CACNA1F: variants seen among roughly 807,000 people sequenced by gnomAD.
CACNA1F encodes voltage-dependent L-type calcium channel subunit alpha-1F.
CACNA1F carries 59 observed loss-of-function variants against 143.8 expected under a neutral mutation model. The observed-to-expected ratio is 0.41, with a 90% CI of 0.33 to 0.51. The LOEUF (loss-of-function observed/expected upper bound fraction) is 0.51. Among genes scored for constraint, CACNA1F ranks in the 20% least tolerant of loss-of-function variants. The probability of loss-of-function intolerance (pLI) is 0.22; values close to 1 mark genes in which losing one functional copy is unlikely to be tolerated. For missense variants in CACNA1F, 1,411 were observed against 1,647.5 expected (o/e 0.86, Z 2.48); for synonymous variants, 643 against 649.1 (o/e 0.99, Z 0.14).
chrX:49,219,137 TC>T (rs1378582860), intron 21 of CACNA1F, among the ~76,000 whole-genome samples, 183 bp downstream of exon 21: 3 of 111,515 alleles, frequency 2.7e-5, no homozygotes, highest in Non-Finnish European at 5.7e-5. Flanking sequence ...ATTGATCTCC[TC>T]CCTGGTGCTT....
At chrX:49,208,840 T>G in intron 42 of CACNA1F, 156 bp from the exon 43 acceptor site, 1 of 507,795 alleles carries the variant, frequency 2.0e-6, no homozygotes, top group Non-Finnish European at 3.4e-6. Flanking sequence ...AATAAATAAA[T>G]ATTTGCGATA....
In CACNA1F at chrX:49,213,833, C is replaced by T. The variant is rs782409664; in HGVS notation, c.3778G>A (p.Val1260Ile). 8.4e-6 allele frequency: 10 copies of T among 1,190,507 alleles called. No individual in the cohort carries two copies. Among genetic ancestry groups the T allele is most frequent in the South Asian group, 7.1e-5 (4 of 56,367 alleles). The change falls in exon 31 of 48, where the codon GTC (valine) becomes ATC (isoleucine). Residue 1260 changes from valine to isoleucine, a missense_variant. Around this residue, in one of 3 missense-constraint regions of CACNA1F, gnomAD observed 950 missense variants for 1,128.1 expected, o/e 0.84. Transcript: ENST00000323022. ...CCAGTTCTCACATTGACTTCAGTGA[C>T]GGCAATATCCACTATGCTGCCCACC... is the stretch of plus-strand genomic sequence containing the variant. ...IVVGSIVDIA[V>I]TEVNNGGHLG...
At position 49,211,075 on chromosome X, in the gene CACNA1F, C is replaced by T. The variant is rs1557106124; in HGVS notation, c.4278G>A (p.Val1426=). 1.7e-6 allele frequency: 2 copies of T among 1,208,240 alleles called. No individual in the cohort carries two copies. Among genetic ancestry groups the T allele is most frequent in the East Asian group, 3.0e-5 (1 of 33,764 alleles). Residue 1426 remains valine (V), a synonymous_variant, in exon 37 of 48, where the codon GTG becomes GTA. Coordinates refer to ENST00000323022, the MANE Select transcript of CACNA1F (RefSeq NM_001256789.3). Reference sequence around the variant, plus strand: ...AATCAAAGTTGTCCATGATCACAGCCACAAAGAGATTTATGATCTGTGGGC... The same window carrying T: ...AATCAAAGTTGTCCATGATCACAGCTACAAAGAGATTTATGATCTGTGGGC... ...LCAFLIINLF[V]AVIMDNFDYL... is the part of the protein sequence containing the mutation.
At position 49,205,212 on chromosome X, in the gene CACNA1F, G is replaced by A. The variant is rs1557104505; in HGVS notation, c.5826C>T (p.Ser1942=). The change falls in exon 48 of 48, where the codon AGC becomes AGT. Residue 1942 remains serine (S), a synonymous_variant. Transcript: ENST00000323022. Reference sequence around the variant, plus strand: ...AGCGGGAGAGGATGGACTCCTCGTCGCTATAGAGAGAGCTGGTTCCCTGTG... The same window carrying A: ...AGCGGGAGAGGATGGACTCCTCGTCACTATAGAGAGAGCTGGTTCCCTGTG... ...LLAQGTSSLY[S]DEESILSRFD... 2.0e-5 allele frequency: 24 copies of A among 1,210,528 alleles called. No individual in the cohort carries two copies. The highest frequency in any genetic ancestry group is 2.7e-5 in the Non-Finnish European group (24 of 894,587).
intron 31 of CACNA1F, among the ~76,000 whole-genome samples, chrX:49,213,596 G>A (rs1468587604): frequency 8.9e-6 from 1 of 111,779 alleles, no homozygotes; most frequent in Non-Finnish European, 1.9e-5. Flanking sequence ...AGATGGTGGA[G>A]CCAGTAGATA....
chrX:49,231,063 G>C (rs2065873633), intron 3 of CACNA1F, 74 bp from the exon 4 acceptor site: 1 of 905,816 alleles, frequency 1.1e-6, no homozygotes, highest in African/African-American at 1.9e-5. Flanking sequence ...GGGGCGTGGG[G>C]AGCATAGTCA....
In CACNA1F at chrX:49,210,707, C is replaced by T. The variant is rs376984342; in HGVS notation, c.4389-21G>A. ...GGCCCCTGGAGGAGTTGGGGAGGTA[C>T]CACTGGATTGGCGATGCCCCCACTA... is the stretch of plus-strand genomic sequence containing the variant. On this transcript the variant is annotated intron_variant, in intron 37 of 47. Transcript: ENST00000323022. 4.1e-5 allele frequency: 48 copies of T among 1,163,511 alleles called. 2 individuals carry two copies. Among genetic ancestry groups the T allele is most frequent in the Admixed American group, 2.7e-4 (12 of 44,808 alleles).
intron 21 of CACNA1F, 104 bp downstream of exon 21, chrX:49,219,217 T>TCACCTAGGGCTCTTC: frequency 3.3e-6 from 3 of 905,791 alleles, no homozygotes; most frequent in Non-Finnish European, 4.7e-6. Flanking sequence ...CTCTCTCGGC[T>TCACCTAGGGCTCTTC]CACCTAGGGC....
At chrX:49,224,065 A>G (rs1337749087) in intron 14 of CACNA1F, among the ~76,000 whole-genome samples, 1 of 111,093 alleles carries the variant, frequency 9.0e-6, no homozygotes, top group Non-Finnish European at 1.9e-5. Flanking sequence ...TGGTGAAGCT[A>G]GAATTGGGTT....
At chrX:49,233,185 C>T in intron 1 of CACNA1F, 100 bp downstream of exon 1, 1 of 894,682 alleles carries the variant, frequency 1.1e-6, no homozygotes, top group Non-Finnish European at 1.6e-6. Flanking sequence ...GTTCTTGTCC[C>T]CTAGAGGCTC....
rs782737676 is a variant in CACNA1F, at chrX:49,222,523, C to A, written c.2287G>T (p.Gly763Trp). Residue 763 changes from glycine to tryptophan, a missense_variant and splice_region_variant, in exon 17 of 48, where the codon GGG becomes TGG. Physicochemically the swap from Gly to Trp is radical, Grantham distance 184. Around this residue, in one of 3 missense-constraint regions of CACNA1F, gnomAD observed 950 missense variants for 1,128.1 expected, o/e 0.84. Coordinates refer to ENST00000323022, the MANE Select transcript of CACNA1F (RefSeq NM_001256789.3). ...GDAGTAKDKG[G>W]EKSNEKDLPQ... ...GTTAGGGGTGGAGCCAGATCTCACC[C>A]GCCCTTGTCCTTGGCAGTGCCTGCA... is the stretch of plus-strand genomic sequence containing the variant. 8.3e-7 allele frequency: 1 copy of A among 1,206,543 alleles called. No individual in the cohort carries two copies. The highest frequency in any genetic ancestry group is 1.1e-6 in the Non-Finnish European group (1 of 891,567).
chrX:49,225,783 G>C, intron 13 of CACNA1F, 126 bp downstream of exon 13: 1 of 509,513 alleles, frequency 2.0e-6, no homozygotes, highest in Non-Finnish European at 3.4e-6. Flanking sequence ...AAGGGCTCTG[G>C]ATTTATTTGG....
chrX:49,209,017 C>A, intron 42 of CACNA1F: 2 of 405,348 alleles, frequency 4.9e-6, no homozygotes, highest in Non-Finnish European at 8.6e-6. Context: ...TGTAGAGAGG[C>A]GGTTTCACTA....
rs1377859968 is a variant in CACNA1F, at chrX:49,209,626, G to A, written c.4821+3C>T. 1.7e-6 allele frequency: 2 copies of A among 1,209,890 alleles called. No individual in the cohort carries two copies. The highest frequency in any genetic ancestry group is 1.7e-5 in the African/African-American group (1 of 57,389). On this transcript the variant is annotated splice_donor_region_variant and intron_variant, in intron 41 of 47. Coordinates refer to ENST00000323022, the MANE Select transcript of CACNA1F (RefSeq NM_001256789.3). Reference sequence around the variant, plus strand: ...CATCCACACTAGGCCCTGCCCCGAAGACCTGAAGGGCGGAAGAGGTGCTAG... The same window carrying A: ...CATCCACACTAGGCCCTGCCCCGAAAACCTGAAGGGCGGAAGAGGTGCTAG...
At chrX:49,207,927 C>G (rs868949841) in intron 43 of CACNA1F, among the ~76,000 whole-genome samples, 3 of 106,827 alleles carry the variant, frequency 2.8e-5, no homozygotes, top group African/African-American at 1.0e-4. Context: ...GGCACGGTGG[C>G]TCAAGCTTGT....
chrX:49,231,102 G>T, intron 3 of CACNA1F, 100 bp downstream of exon 3: 1 of 802,019 alleles, frequency 1.2e-6, no homozygotes, highest in Non-Finnish European at 1.9e-6. Flanking sequence ...AGCCAGGCAG[G>T]GCCATCCGGG....
rs2147894794 is a variant in CACNA1F, at chrX:49,209,669, A to T, written c.4781T>A (p.Leu1594Gln). 9.1e-6 allele frequency: 11 copies of T among 1,211,081 alleles called. No homozygotes were observed. The highest frequency in any genetic ancestry group is 1.2e-5 in the Non-Finnish European group (11 of 894,966). ...GGTGCTAGGGGCGGCGTCGTTGCCT[A>T]GTAGCCCTTTTTCTTTCCTCCGCCG... ...KFRRRKEKGL[L>Q]GNDAAPSTSS... Residue 1594 changes from leucine to glutamine, a missense_variant, in exon 41 of 48, where the codon CTA becomes CAA. Around this residue, in one of 3 missense-constraint regions of CACNA1F, gnomAD observed 349 missense variants for 350.2 expected, o/e 1.00. Coordinates refer to ENST00000323022, the MANE Select transcript of CACNA1F (RefSeq NM_001256789.3).
intron 36 of CACNA1F, 57 bp from the exon 37 acceptor site, chrX:49,211,149 G>A (rs1240035476): frequency 1.9e-5 from 22 of 1,167,463 alleles, no homozygotes; most frequent in South Asian, 3.6e-5. Flanking sequence ...TGTCATGGAC[G>A]GATGGTGGGA....
At chrX:49,217,250 C>T (rs782705662) in intron 26 of CACNA1F, among the ~76,000 whole-genome samples, 4 of 112,993 alleles carry the variant, frequency 3.5e-5, no homozygotes, top group Non-Finnish European at 7.5e-5. Context: ...TGAGCCACAG[C>T]GCCCGGCCCA....
Sources: gnomAD v4.1 joint callset for allele counts (sites outside exome capture counted in the v4.1 genomes callset) on GRCh38, gnomAD v4.1.1 for gene constraint, gnomAD v4.1.1 regional missense constraint, MANE v1.5 for transcripts, NCBI Gene and HGNC (gene_info 2026-07-23, HGNC 2026-07-21) for gene names.